COLGALT2: variants seen among roughly 807,000 people sequenced by gnomAD.
COLGALT2 encodes collagen beta(1-O)galactosyltransferase 2, also known as procollagen galactosyltransferase 2.
In COLGALT2, 49 loss-of-function variants were observed where a neutral mutation model predicts 73.4. The observed-to-expected ratio is 0.67, with a 90% CI of 0.53 to 0.85. The LOEUF (loss-of-function observed/expected upper bound fraction) is 0.85, where lower values mean the gene tolerates loss of function less well. Ranked by LOEUF, COLGALT2 falls within the 40% of genes least tolerant of loss-of-function variation. The pLI is 0.00. For missense variants in COLGALT2, 722 were observed against 790.2 expected (o/e 0.91, Z 1.03); for synonymous variants, 295 against 307.6 (o/e 0.96, Z 0.43).
At chr1:184,005,334 C>G (rs1001495913) in intron 1 of COLGALT2, among the ~76,000 whole-genome samples, 2 of 152,248 alleles carry the variant, frequency 1.3e-5, no homozygotes, top group Non-Finnish European at 2.9e-5. Flanking sequence ...GACCCCGTCA[C>G]TTCATGTGAA....
intron 1 of COLGALT2, among the ~76,000 whole-genome samples, chr1:184,028,827 T>C (rs10911496): frequency 0.16 from 24,671 of 152,242 alleles, 2,229 homozygotes; most frequent in East Asian, 0.26. Context: ...CAGAAAACAC[T>C]GGAGGGAAGG....
intron 1 of COLGALT2, among the ~76,000 whole-genome samples, chr1:184,020,282 G>A (rs1649134702): frequency 6.6e-6 from 1 of 152,074 alleles, no homozygotes; most frequent in African/African-American, 2.4e-5. Flanking sequence ...AGTTAACAGA[G>A]CAAATAATAT....
At position 183,944,343 on chromosome 1, in the gene COLGALT2, G is replaced by A. The variant is rs766302118; in HGVS notation, c.1270-20C>T. 31 of 1,598,132 alleles carry A rather than the reference G, an allele frequency of 1.9e-5. No homozygotes were observed. In the South Asian group the frequency reaches 3.2e-4, roughly 16 times the overall value. On this transcript the variant is annotated intron_variant, in intron 9 of 11. Coordinates refer to ENST00000361927, the MANE Select transcript of COLGALT2 (RefSeq NM_015101.4). Reference sequence around the variant, plus strand: ...AATTACCTGCAAAAGTCATCAGTAGGAAGATACCCTATGAAAAGTTTGAAA... The same window carrying A: ...AATTACCTGCAAAAGTCATCAGTAGAAAGATACCCTATGAAAAGTTTGAAA...
intron 1 of COLGALT2, among the ~76,000 whole-genome samples, chr1:184,030,335 T>C (rs1228876807): frequency 6.6e-6 from 1 of 152,188 alleles, no homozygotes; most frequent in Non-Finnish European, 1.5e-5. Flanking sequence ...TAAACACATA[T>C]GGTAAAAGTT....
At position 183,954,776 on chromosome 1, in the gene COLGALT2, T is replaced by A; in HGVS notation, c.1015A>T (p.Met339Leu). The stretch of plus-strand genomic sequence containing the variant: ...ACCTTTCCTACCTCATCAAATCCCA[T>A]CTTGTCTGGATATTTAGGGACAACT... ...VSVVPKYPDK[M>L]GFDEIFMINL... Residue 339 changes from methionine (M) to leucine (L), a missense_variant, in exon 7 of 12, where the codon ATG (methionine) becomes TTG (leucine). Coordinates refer to ENST00000361927, the MANE Select transcript of COLGALT2 (RefSeq NM_015101.4). The A allele has an allele frequency of 6.2e-7, 1 of 1,612,710 alleles. No individual in the cohort carries two copies. Among genetic ancestry groups the A allele is most frequent in the Non-Finnish European group, 8.5e-7 (1 of 1,178,908 alleles).
rs534981960 is a variant in COLGALT2 at position 183,998,103 on chromosome 1, C to A, written c.264-19583G>T. On this transcript the variant is annotated intron_variant, in intron 1 of 11. Transcript: ENST00000361927. ...CAAATTGTCTTCAAAGTAGTTGCAC[C>A]AATTGATAGTCCCAGGAGCAGTATA... Among the ~76,000 whole-genome samples the A allele has an allele frequency of 3.9e-5, 6 of 152,212 alleles. No homozygotes were observed. In the South Asian group the frequency reaches 1.2e-3, roughly 32 times the overall value.
intron 1 of COLGALT2, 25 bp from the exon 2 acceptor site, chr1:183,978,545 G>A (rs1671268300): frequency 1.5e-6 from 2 of 1,337,228 alleles, no homozygotes; most frequent in East Asian, 4.7e-5. Flanking sequence ...GCACAATATA[G>A]TTTAACTATG....
chr1:184,010,422 C>A (rs193133035), intron 1 of COLGALT2, among the ~76,000 whole-genome samples: 2 of 152,338 alleles, frequency 1.3e-5, no homozygotes, highest in African/African-American at 2.4e-5. Context: ...AAGAGTCTGG[C>A]AGCCTGGGAG....
At chr1:183,996,761 T>C (rs1049891229) in intron 1 of COLGALT2, among the ~76,000 whole-genome samples, 4 of 152,158 alleles carry the variant, frequency 2.6e-5, no homozygotes, top group Non-Finnish European at 5.9e-5. Context: ...TGACAGAAAC[T>C]GAAGGTCTGG....
At chr1:183,982,279 G>C (rs1671374369) in intron 1 of COLGALT2, among the ~76,000 whole-genome samples, 1 of 152,162 alleles carries the variant, frequency 6.6e-6, no homozygotes. Flanking sequence ...ACAGAGGTGG[G>C]AAAGTGGTCC....
At chr1:183,991,761 C>T (rs1203440814) in intron 1 of COLGALT2, among the ~76,000 whole-genome samples, 1 of 152,154 alleles carries the variant, frequency 6.6e-6, no homozygotes, top group Non-Finnish European at 1.5e-5. Flanking sequence ...TATACTCACA[C>T]CCACAGTAAA....
chr1:183,980,556 A>T (rs2986561), intron 1 of COLGALT2, among the ~76,000 whole-genome samples: 129,270 of 152,060 alleles, frequency 0.85, 55,964 homozygotes, highest in Non-Finnish European at 0.93. Context: ...ATAATTTCCA[A>T]GAAGAGAGTA....
At chr1:184,008,637 G>A (rs757129063) in intron 1 of COLGALT2, among the ~76,000 whole-genome samples, 2 of 152,172 alleles carry the variant, frequency 1.3e-5, no homozygotes, top group Non-Finnish European at 2.9e-5. Context: ...GGCTAAGGCA[G>A]GAGGATCCCT....
intron 6 of COLGALT2, among the ~76,000 whole-genome samples, chr1:183,955,166 C>T (rs1670518948): frequency 6.6e-6 from 1 of 152,086 alleles, no homozygotes; most frequent in South Asian, 2.1e-4. Flanking sequence ...CCTTGGTTTG[C>T]GAAGGAGTAG....
chr1:183,972,770 G>C (rs1160909026), intron 4 of COLGALT2, among the ~76,000 whole-genome samples: 1 of 151,948 alleles, frequency 6.6e-6, no homozygotes, highest in Non-Finnish European at 1.5e-5. Flanking sequence ...CGCGACCTCG[G>C]CTCACTGCAA....
intron 1 of COLGALT2, among the ~76,000 whole-genome samples, chr1:184,011,640 T>G (rs1316943328): frequency 6.6e-6 from 1 of 152,222 alleles, no homozygotes; most frequent in East Asian, 1.9e-4. Context: ...GAGCATTCTC[T>G]TAGTAATTCA....
chr1:183,963,775 G>T (rs1300500416), intron 6 of COLGALT2, 126 bp downstream of exon 6: 20 of 986,422 alleles, frequency 2.0e-5, no homozygotes, highest in Non-Finnish European at 2.9e-5. Flanking sequence ...CAAATAAATA[G>T]CTATGTATTC....
At chr1:183,947,021 A>C (rs1440114994) in intron 8 of COLGALT2, among the ~76,000 whole-genome samples, 2 of 151,996 alleles carry the variant, frequency 1.3e-5, no homozygotes, top group Non-Finnish European at 1.5e-5. Flanking sequence ...ACAGGGCAAG[A>C]CTCCATCTCA....
intron 8 of COLGALT2, chr1:183,946,202 C>A (rs186222904): frequency 1.9e-4 from 29 of 152,408 alleles, no homozygotes; most frequent in African/African-American, 6.7e-4. Context: ...GCACTATCTG[C>A]AGGTCATTTG....
Sources: gnomAD v4.1 joint callset for allele counts (sites outside exome capture counted in the v4.1 genomes callset) on GRCh38, gnomAD v4.1.1 for gene constraint, MANE v1.5 for transcripts, NCBI Gene and HGNC (gene_info 2026-07-23, HGNC 2026-07-21) for gene names.